RFTN2: variants seen among roughly 807,000 people sequenced by gnomAD.
The protein encoded by RFTN2 is raftlin-2.
RFTN2 carries 34 observed loss-of-function variants against 52.7 expected under a neutral mutation model. The ratio of observed to expected loss-of-function variants is 0.64; its 90% CI spans 0.49 to 0.86. The LOEUF is 0.86. Ranked by LOEUF, RFTN2 falls within the 40% of genes least tolerant of loss-of-function variation. The probability of loss-of-function intolerance (pLI) is 0.00; values close to 1 mark genes in which losing one functional copy is unlikely to be tolerated. For missense variants in RFTN2, 536 were observed against 600.1 expected, an observed-to-expected ratio of 0.89 and a Z score of 1.12; for synonymous variants, 203 against 217.7, an observed-to-expected ratio of 0.93 and a Z score of 0.59.
At position 197,675,412 on chromosome 2, in the gene RFTN2, G is replaced by C. The variant is rs1004843241; in HGVS notation, c.47C>G (p.Pro16Arg). 1 of 1,603,380 alleles carries C rather than the reference G, an allele frequency of 6.2e-7. No individual in the cohort carries two copies. ...RKLEDPDDSS[P>R]GKIFSTLKRP... ...CTTCAGGGTAGAAAATATTTTTCCA[G>C]GGCTGCTATCATCAGGGTCTTCTAG... is the stretch of plus-strand genomic sequence containing the variant. The change falls in exon 1 of 9, where the codon CCT (proline) becomes CGT (arginine). Residue 16 changes from proline (P) to arginine (R), a missense_variant. Transcript: ENST00000295049.
intron 4 of RFTN2, among the ~76,000 whole-genome samples, chr2:197,631,679 G>A (rs1397256407): frequency 6.6e-6 from 1 of 152,090 alleles, no homozygotes; most frequent in Non-Finnish European, 1.5e-5. Context: ...CAATGTTCTA[G>A]TCTCCTTTTG....
intron 1 of RFTN2, 50 bp downstream of exon 1, chr2:197,675,267 CTAG>C: frequency 1.4e-6 from 2 of 1,407,124 alleles, no homozygotes; most frequent in Non-Finnish European, 1.9e-6. Context: ...TTAAAAATGA[CTAG>C]TAGTCTCATC....
chr2:197,658,290 A>C (rs914568276), intron 1 of RFTN2, among the ~76,000 whole-genome samples: 1 of 151,624 alleles, frequency 6.6e-6, no homozygotes, highest in Non-Finnish European at 1.5e-5. Context: ...TGTGACCCCT[A>C]AGCATGCACA....
chr2:197,611,322 C>T (rs2088056916), intron 7 of RFTN2, among the ~76,000 whole-genome samples: 1 of 152,314 alleles, frequency 6.6e-6, no homozygotes, highest in East Asian at 1.9e-4. Context: ...GATTCAACTT[C>T]TTCCTGGTTT....
chr2:197,592,489 C>A (rs1418029746), intron 8 of RFTN2, among the ~76,000 whole-genome samples: 1 of 152,252 alleles, frequency 6.6e-6, no homozygotes, highest in Non-Finnish European at 1.5e-5. Context: ...GCCACTGTGC[C>A]TGGCTGAAGA....
chr2:197,610,084 T>G (rs1354480310), intron 7 of RFTN2, among the ~76,000 whole-genome samples: 3 of 152,160 alleles, frequency 2.0e-5, no homozygotes, highest in South Asian at 2.1e-4. Context: ...GCTTAGGATT[T>G]TCTTGGCAAT....
intron 4 of RFTN2, 44 bp downstream of exon 4, chr2:197,633,674 C>T: frequency 1.3e-6 from 2 of 1,511,752 alleles, no homozygotes; most frequent in African/African-American, 1.4e-5. Flanking sequence ...ACTTATTTTG[C>T]TTAAACTATA....
At chr2:197,635,055 A>T (rs2088542073) in intron 3 of RFTN2, among the ~76,000 whole-genome samples, 1 of 152,130 alleles carries the variant, frequency 6.6e-6, no homozygotes, top group African/African-American at 2.4e-5. Flanking sequence ...GTCCCTACAA[A>T]GGACATGAAC....
At chr2:197,637,010 G>A (rs1227158173) in intron 3 of RFTN2, among the ~76,000 whole-genome samples, 2 of 152,108 alleles carry the variant, frequency 1.3e-5, no homozygotes, top group Admixed American at 6.5e-5. Context: ...TGTGGTTTTT[G>A]TCTTTGGCTC....
At chr2:197,653,467 A>G (rs2088851163) in intron 1 of RFTN2, among the ~76,000 whole-genome samples, 1 of 152,102 alleles carries the variant, frequency 6.6e-6, no homozygotes, top group African/African-American at 2.4e-5. Flanking sequence ...TCAGTTACCC[A>G]TGGGAATACT....
chr2:197,582,466 C>T (rs148023763), intron 8 of RFTN2, among the ~76,000 whole-genome samples: 5 of 152,296 alleles, frequency 3.3e-5, no homozygotes, highest in Admixed American at 2.0e-4. Context: ...CTTGGTTTAT[C>T]GATGGCAGTT....
chr2:197,643,651 A>G (rs187686300), intron 3 of RFTN2, among the ~76,000 whole-genome samples: 6 of 152,216 alleles, frequency 3.9e-5, no homozygotes, highest in Middle Eastern at 3.4e-3. Context: ...CGAACCTCCT[A>G]TAGGACATGT....
chr2:197,602,563 G>A, intron 7 of RFTN2, among the ~76,000 whole-genome samples: 1 of 150,480 alleles, frequency 6.6e-6, no homozygotes. Context: ...TTGGTGAGAT[G>A]GAGTCCTGCT....
At chr2:197,620,530 G>A (rs1035258725) in intron 5 of RFTN2, among the ~76,000 whole-genome samples, 3 of 152,146 alleles carry the variant, frequency 2.0e-5, no homozygotes, top group Non-Finnish European at 4.4e-5. Context: ...AAAGACAAAA[G>A]TAATTTTAAT....
At chr2:197,657,289 G>T (rs1024903397) in intron 1 of RFTN2, among the ~76,000 whole-genome samples, 2 of 152,150 alleles carry the variant, frequency 1.3e-5, no homozygotes, top group Non-Finnish European at 2.9e-5. Context: ...CTGTCTGAAG[G>T]CTAAATACAG....
rs11357712 is a variant in RFTN2 at position 197,658,179 on chromosome 2, A to AT, written c.140-11514dup. Reference sequence around the variant, plus strand: ...TTGTCTAAGACTATTTTTAAAAAATATTTTTTTTTTTTTTAGAAAAAAAAA... The same window carrying AT: ...TTGTCTAAGACTATTTTTAAAAAATATTTTTTTTTTTTTTTAGAAAAAAAAA... On this transcript the variant is annotated intron_variant, in intron 1 of 8. Coordinates refer to ENST00000295049, the MANE Select transcript of RFTN2 (RefSeq NM_144629.3). Among the ~76,000 whole-genome samples, 129 of 145,350 alleles carry AT rather than the reference A, an allele frequency of 8.9e-4. 2 individuals carry two copies. In the East Asian group the frequency reaches 0.019, roughly 22 times the overall value.
intron 7 of RFTN2, among the ~76,000 whole-genome samples, chr2:197,599,622 C>T (rs1236237510): frequency 6.6e-6 from 1 of 152,060 alleles, no homozygotes; most frequent in Non-Finnish European, 1.5e-5. Flanking sequence ...GTACACTGCT[C>T]GATCCTGGGT....
chr2:197,620,965 CAAAAA>C (rs1179615049), intron 5 of RFTN2, among the ~76,000 whole-genome samples: 1 of 152,018 alleles, frequency 6.6e-6, no homozygotes, highest in African/African-American at 2.4e-5. Context: ...GACTCCATCT[CAAAAA>C]CAAAACAAAA....
intron 1 of RFTN2, among the ~76,000 whole-genome samples, chr2:197,662,861 T>C (rs2088998493): frequency 6.6e-6 from 1 of 152,068 alleles, no homozygotes; most frequent in Admixed American, 6.6e-5. Flanking sequence ...ACTCCTTGAG[T>C]CAAGTGATCC....
Sources: allele counts gnomAD v4.1 joint callset (sites outside exome capture counted in the v4.1 genomes callset), GRCh38; gene constraint gnomAD v4.1.1; transcripts MANE v1.5; gene names NCBI Gene and HGNC (gene_info 2026-07-23, HGNC 2026-07-21).